Variants in RYR1 observed in about 807,000 individuals in gnomAD.
RYR1 encodes the protein central core disease of muscle.
A neutral mutation model predicts 583.5 loss-of-function variants in RYR1; 342 were observed. The observed-to-expected ratio is 0.59, with a 90% CI of 0.54 to 0.64. RYR1 has a LOEUF of 0.64. RYR1 is among the 30% of genes least tolerant of loss of function. RYR1 has a pLI of 0.00. For synonymous variants in RYR1, 2,791 were observed against 2,822.5 expected, an observed-to-expected ratio of 0.99 and a Z score of 0.35; for missense variants, 6,032 against 6,917.2, an observed-to-expected ratio of 0.87 and a Z score of 4.54.
rs778505862 is a variant in RYR1, at chr19:38,453,022, C to T, written c.1440+8C>T. 1.5e-5 allele frequency: 24 copies of T among 1,574,272 alleles called. No individual in the cohort carries two copies. Among genetic ancestry groups the T allele is most frequent in the African/African-American group, 1.1e-4 (8 of 73,612 alleles). On this transcript the variant is annotated splice_region_variant and intron_variant, in intron 13 of 105. Transcript: ENST00000359596. The stretch of plus-strand genomic sequence containing the variant: ...AGCCTCTTCCAGGAGGAGGTGAGGA[C>T]GTGGCGAGGGCGGAGCGGGGCCTGT...
rs749283427 is a variant in RYR1, at chr19:38,469,316, G to C, written c.3568G>C (p.Val1190Leu). The change falls in exon 27 of 106, where the codon GTC becomes CTC. Residue 1190 changes from valine to leucine, a missense_variant. This residue lies in a region of RYR1 where 2,627 missense variants were observed against 2,961.3 expected (regional missense o/e 0.89). Transcript: ENST00000359596. ...TCCCCTCCCACCAGGCTTCCTGCCC[G>C]TCTGCAGCTTGGGACCTGGCCAGGT... ...EIEIGDGFLP[V>L]CSLGPGQVGH... is the part of the protein sequence containing the mutation. 3 of 1,613,618 alleles carry C rather than the reference G, an allele frequency of 1.9e-6. No homozygotes were observed. The highest frequency in any genetic ancestry group is 3.3e-5 in the Admixed American group (2 of 59,950).
At chr19:38,492,360 C>CAAAAAA (rs60482983) in intron 37 of RYR1, 130 bp from the exon 38 acceptor site, 6 of 725,714 alleles carry the variant, frequency 8.3e-6, no homozygotes, top group Admixed American at 3.3e-5. Flanking sequence ...GACACTGTCT[C>CAAAAAA]AAAAAAAAAA....
At chr19:38,507,488 G>A (rs989406523) in intron 57 of RYR1, among the ~76,000 whole-genome samples, 188 of 150,920 alleles carry the variant, frequency 1.2e-3, no homozygotes, top group Non-Finnish European at 2.3e-3. Context: ...TGGGGCCAAA[G>A]GGGAGGAGGC....
chr19:38,583,545 C>G (rs998609483), intron 101 of RYR1, among the ~76,000 whole-genome samples: 1 of 151,986 alleles, frequency 6.6e-6, no homozygotes, highest in Admixed American at 6.6e-5. Context: ...CTCCCCACCC[C>G]CACTCAGACC....
intron 101 of RYR1, 133 bp from the exon 102 acceptor site, chr19:38,584,810 G>A (rs945307470): frequency 2.0e-6 from 2 of 1,018,916 alleles, no homozygotes; most frequent in African/African-American, 3.2e-5. Context: ...TGCCGTATCT[G>A]TGAGCCCTTT....
chr19:38,528,462 A>G, intron 74 of RYR1, 44 bp downstream of exon 74: 1 of 1,607,166 alleles, frequency 6.2e-7, no homozygotes, highest in Non-Finnish European at 8.5e-7. Context: ...GCTGCGGAGA[A>G]AGGGTGGCTG....
In RYR1 at chr19:38,483,461, G is replaced by A. The variant is rs568486136; in HGVS notation, c.4879G>A (p.Val1627Met). The A allele has an allele frequency of 1.2e-5, 19 of 1,568,172 alleles. No homozygotes were observed. The highest frequency in any genetic ancestry group is 9.4e-5 in the Admixed American group (5 of 53,234). Residue 1627 changes from valine (V) to methionine (M), a missense_variant, in exon 33 of 106, where the codon GTG becomes ATG. Physicochemically the swap from Val to Met is conservative, Grantham distance 21. Around this residue, in one of 11 missense-constraint regions of RYR1, gnomAD observed 2,627 missense variants for 2,961.3 expected, o/e 0.89. Coordinates refer to ENST00000359596, the MANE Select transcript of RYR1 (RefSeq NM_000540.3). This position sits in a 1 kb window ranked among gnomAD's most constrained non-coding sequence, Gnocchi z 6.3. Reference sequence around the variant, plus strand: ...TGCCGGCGAGCGGCTGGGCTGGGCCGTGCAGTGCCAGGAGCCGCTGACCAT... The same window carrying A: ...TGCCGGCGAGCGGCTGGGCTGGGCCATGCAGTGCCAGGAGCCGCTGACCAT... The part of the protein sequence containing the change: ...RRAGERLGWA[V>M]QCQEPLTMMA...
chr19:38,460,507 G>A lies in RYR1; in HGVS notation c.2493G>A (p.Glu831=), dbSNP rs770056150. The A allele has an allele frequency of 1.2e-6, 2 of 1,614,194 alleles. No individual in the cohort carries two copies. The highest frequency in any genetic ancestry group is 2.2e-5 in the South Asian group (2 of 91,090). ...AACCCATCAAGGAGTATCGACGGGA[G>A]GGGCCCCGGGGGCCTCACCTGGTGG... is the stretch of plus-strand genomic sequence containing the variant. ...HLEPIKEYRR[E]GPRGPHLVGP... Residue 831 remains glutamate, a synonymous_variant, in exon 20 of 106, where the codon GAG becomes GAA. Coordinates refer to ENST00000359596, the MANE Select transcript of RYR1 (RefSeq NM_000540.3).
Position 38,512,390 on chromosome 19 carries a change from C to G in RYR1, c.9379C>G (p.Gln3127Glu). 6.2e-7 allele frequency: 1 copy of G among 1,614,022 alleles called. No homozygotes were observed. The highest frequency in any genetic ancestry group is 8.5e-7 in the Non-Finnish European group (1 of 1,180,042). The change falls in exon 63 of 106, where the codon CAG (glutamine) becomes GAG (glutamate). Residue 3127 changes from glutamine (Q) to glutamate (E), a missense_variant. Physicochemically the swap from Gln to Glu is conservative, Grantham distance 29. This residue lies in a region of RYR1 where 1,493 missense variants were observed against 1,715.5 expected (regional missense o/e 0.87). Coordinates refer to ENST00000359596, the MANE Select transcript of RYR1 (RefSeq NM_000540.3). The surrounding 1 kb of genome is among the most constrained non-coding windows in gnomAD (Gnocchi z 5.1). ...QARTQVKGVGQNLTYTTVALL... is the reference protein window; with the variant it reads ...QARTQVKGVGENLTYTTVALL... Reference sequence around the variant, plus strand: ...GCGCACCCAGGTGAAAGGCGTGGGCCAGAACCTCACCTACACCACTGTGGC... The same window carrying G: ...GCGCACCCAGGTGAAAGGCGTGGGCGAGAACCTCACCTACACCACTGTGGC...
chr19:38,540,257 T>G (rs1023572780), intron 84 of RYR1, among the ~76,000 whole-genome samples: 1 of 151,862 alleles, frequency 6.6e-6, no homozygotes, highest in Non-Finnish European at 1.5e-5. Context: ...GGAGGATCAC[T>G]TGAGCCCAGC....
intron 102 of RYR1, 30 bp downstream of exon 102, chr19:38,585,129 C>T (rs199667774): frequency 8.8e-5 from 142 of 1,610,210 alleles, no homozygotes; most frequent in East Asian, 1.1e-4. Context: ...GCTCAGGGCC[C>T]GGAGGCAGGC....
At chr19:38,454,397 A>T (rs1300947838) in intron 13 of RYR1, among the ~76,000 whole-genome samples, 2 of 152,216 alleles carry the variant, frequency 1.3e-5, no homozygotes, top group East Asian at 3.8e-4. Context: ...GTAGTGCTGA[A>T]GTGCTGTCTA....
chr19:38,545,227 T>A (rs547403355), intron 87 of RYR1, among the ~76,000 whole-genome samples: 7 of 152,280 alleles, frequency 4.6e-5, no homozygotes, highest in Admixed American at 2.0e-4. Flanking sequence ...TAGCCCCATG[T>A]GCTCTGACTG....
At chr19:38,477,268 G>A (rs574147925) in intron 29 of RYR1, among the ~76,000 whole-genome samples, 2 of 152,012 alleles carry the variant, frequency 1.3e-5, no homozygotes, top group East Asian at 1.9e-4. Flanking sequence ...TCAGCCTCCC[G>A]AGTACCTGGG....
chr19:38,444,432 C>T lies in RYR1; in HGVS notation c.538-152C>T, dbSNP rs908878614. On this transcript the variant is annotated intron_variant, in intron 6 of 105. Transcript: ENST00000359596. The surrounding 1 kb of genome is among the most constrained non-coding windows in gnomAD (Gnocchi z 5.1). ...TTCTGATTTCTGACCTCCCATTGCC[C>T]GACTTGATCATTTCCTGATCTGTGA... 8.1e-5 allele frequency: 69 copies of T among 847,182 alleles called. No individual in the cohort carries two copies. Among genetic ancestry groups the T allele is most frequent in the Admixed American group, 8.0e-4 (40 of 49,934 alleles). The allele number at this position is 847,182 out of a possible 1,614,324, so 52.5% of individuals were successfully genotyped here.
At chr19:38,491,588 C>G (rs1969552979) in intron 37 of RYR1, among the ~76,000 whole-genome samples, 1 of 152,052 alleles carries the variant, frequency 6.6e-6, no homozygotes, top group African/African-American at 2.4e-5. Flanking sequence ...GCCACCACGC[C>G]TGGCTAATTT....
rs1194472021 is a variant in RYR1 at position 38,561,018 on chromosome 19, G to A, written c.12283-95G>A. ...ATTGCGCCACTGCACTCCAGCCTGGGCGACACAGCGAGACCTTGTCTTAAA... is the reference window on the plus strand; with the variant it reads ...ATTGCGCCACTGCACTCCAGCCTGGACGACACAGCGAGACCTTGTCTTAAA... On this transcript the variant is annotated intron_variant, in intron 89 of 105. Transcript: ENST00000359596. This position sits in a 1 kb window ranked among gnomAD's most constrained non-coding sequence, Gnocchi z 4.8. 8.4e-6 allele frequency: 10 copies of A among 1,184,564 alleles called. No individual in the cohort carries two copies. The highest frequency in any genetic ancestry group is 1.2e-5 in the Non-Finnish European group (10 of 827,628). The allele number at this position is 1,184,564 out of a possible 1,614,324, so 73.4% of individuals were successfully genotyped here.
rs1199495792 is a variant in RYR1, at chr19:38,458,133, G to T, written c.2008G>T (p.Val670Leu). ...GTACTTTGAGGTGATGGTGGACGAG[G>T]TGACTCCATTTCTGACAGCTCAGGC... ...KWYFEVMVDE[V>L]TPFLTAQATH... Residue 670 changes from valine to leucine, a missense_variant, in exon 18 of 106, where the codon GTG becomes TTG. Around this residue, in one of 11 missense-constraint regions of RYR1, gnomAD observed 2,627 missense variants for 2,961.3 expected, o/e 0.89. Transcript: ENST00000359596. The T allele has an allele frequency of 1.9e-6, 3 of 1,614,014 alleles. No homozygotes were observed. Among genetic ancestry groups the T allele is most frequent in the Non-Finnish European group, 2.5e-6 (3 of 1,180,036 alleles).
At chr19:38,578,789 TCAA>T (rs922821113) in intron 99 of RYR1, among the ~76,000 whole-genome samples, 4 of 151,328 alleles carry the variant, frequency 2.6e-5, no homozygotes, top group Admixed American at 6.6e-5. Flanking sequence ...AGAATCCATC[TCAA>T]CAACAACAAC....
Sources: gnomAD v4.1 joint callset for allele counts (sites outside exome capture counted in the v4.1 genomes callset) on GRCh38, gnomAD v4.1.1 for gene constraint, gnomAD v4.1.1 regional missense constraint, Gnocchi (gnomAD v3.1) non-coding constraint, MANE v1.5 for transcripts, NCBI Gene and HGNC (gene_info 2026-07-23, HGNC 2026-07-21) for gene names.